Variants in LTBP4 observed in about 807,000 individuals in gnomAD.
LTBP4 encodes latent-transforming growth factor beta-binding protein 4.
In LTBP4, 93 loss-of-function variants were observed where a neutral mutation model predicts 180.2. The ratio of observed to expected loss-of-function variants is 0.52; its 90% CI spans 0.44 to 0.61. LTBP4 has a LOEUF of 0.61. LTBP4 is among the 20% of genes least tolerant of loss of function. LTBP4 has a pLI of 0.00. For synonymous variants in LTBP4, 947 were observed against 934.5 expected, an observed-to-expected ratio of 1.01 and a Z score of -0.24; for missense variants, 2,116 against 2,256.5, an observed-to-expected ratio of 0.94 and a Z score of 1.26.
chr19:40,615,028 G>A (rs2081537123), intron 19 of LTBP4, among the ~76,000 whole-genome samples: 1 of 151,960 alleles, frequency 6.6e-6, no homozygotes, highest in African/African-American at 2.4e-5. Context: ...CGAACACTTA[G>A]GCCCTCCCTT....
In LTBP4 at chr19:40,613,909, C is replaced by T. The variant is rs758202540; in HGVS notation, c.2558-7C>T. 2.5e-6 allele frequency: 4 copies of T among 1,613,570 alleles called. No individual in the cohort carries two copies. Among genetic ancestry groups the T allele is most frequent in the South Asian group, 1.1e-5 (1 of 91,070 alleles). ...TGGGCCGGGCCTTCGGACGCCCTGT[C>T]CCGCAGACGTTGACGAGTGCAGCGA... On this transcript the variant is annotated splice_region_variant and splice_polypyrimidine_tract_variant and intron_variant, in intron 17 of 29. Transcript: ENST00000396819. This position sits in a 1 kb window ranked among gnomAD's most constrained non-coding sequence, Gnocchi z 5.0.
At chr19:40,599,421 C>A (rs779787629), upstream of LTBP4, 10 of 1,613,544 alleles carry the variant, frequency 6.2e-6, no homozygotes, top group Non-Finnish European at 8.5e-6. Context: ...GTCTCCGAAG[C>A]CTTCTGCAGG....
intron 22 of LTBP4, among the ~76,000 whole-genome samples, chr19:40,620,184 AAG>A (rs3865449): frequency 0.065 from 9,837 of 152,102 alleles, 481 homozygotes; most frequent in Middle Eastern, 0.14. Context: ...TTATCACAGT[AAG>A]AGAGCACTGC....
At chr19:40,594,265 G>A (rs2081380060) in intron 1 of LTBP4, among the ~76,000 whole-genome samples, 1 of 151,648 alleles carries the variant, frequency 6.6e-6, no homozygotes, top group Non-Finnish European at 1.5e-5. Flanking sequence ...ATGGGGGGAG[G>A]GGTGGAAGAT....
Position 40,611,539 on chromosome 19 carries a change from T to C in LTBP4, c.2053+145T>C, listed in dbSNP as rs1184260830. 5 of 1,255,908 alleles carry C rather than the reference T, an allele frequency of 4.0e-6. No homozygotes were observed. Among genetic ancestry groups the C allele is most frequent in the Non-Finnish European group, 5.4e-6 (5 of 925,230 alleles). The allele number at this position is 1,255,908 out of a possible 1,614,324, so 77.8% of individuals were successfully genotyped here. On this transcript the variant is annotated intron_variant, in intron 13 of 29. Coordinates refer to ENST00000396819, the MANE Select transcript of LTBP4 (RefSeq NM_001042545.2). This position sits in a 1 kb window ranked among gnomAD's most constrained non-coding sequence, Gnocchi z 4.4. ...ATGGGGACCTCACTCCAGAGTCTTC[T>C]CTCCTTTCAACAAAATAAGGCAGTC...
In LTBP4 at chr19:40,610,514, C is replaced by T; in HGVS notation, c.1685-18C>T. 1 of 1,584,972 alleles carries T rather than the reference C, an allele frequency of 6.3e-7. No homozygotes were observed. The highest frequency in any genetic ancestry group is 8.5e-7 in the Non-Finnish European group (1 of 1,169,836). On this transcript the variant is annotated intron_variant, in intron 11 of 29. Transcript: ENST00000396819. The stretch of plus-strand genomic sequence containing the variant: ...GGGCTGTCTGCCCCAGTCCCAGCCG[C>T]CTGGTCTGTGCCTACAGATGTGGAC...
chr19:40,620,246 A>ATT (rs1000017606), intron 22 of LTBP4, among the ~76,000 whole-genome samples: 1 of 109,972 alleles, frequency 9.1e-6, no homozygotes, highest in Non-Finnish European at 1.8e-5. Context: ...TTTTTTTTAA[A>ATT]TGTTTTTTTT....
chr19:40,610,789 C>T (rs774515515), intron 12 of LTBP4, 132 bp downstream of exon 12: 3 of 1,342,660 alleles, frequency 2.2e-6, no homozygotes, highest in Non-Finnish European at 3.0e-6. Context: ...CTCGAGCAGA[C>T]GTGTGGCCTG....
intron 14 of LTBP4, 36 bp from the exon 15 acceptor site, chr19:40,612,037 C>G: frequency 1.9e-6 from 3 of 1,612,112 alleles, no homozygotes; most frequent in Non-Finnish European, 2.5e-6. Context: ...GGAGTTGGAC[C>G]ACTTCTTCAA....
At position 40,609,592 on chromosome 19, in the gene LTBP4, C is replaced by G. The variant is rs542531521; in HGVS notation, c.1489C>G (p.Arg497Gly). The G allele has an allele frequency of 3.1e-6, 5 of 1,613,530 alleles. No individual in the cohort carries two copies. Among genetic ancestry groups the G allele is most frequent in the Non-Finnish European group, 4.2e-6 (5 of 1,179,866 alleles). The change falls in exon 10 of 30, where the codon CGG becomes GGG. Residue 497 changes from arginine (R) to glycine (G), a missense_variant. Transcript: ENST00000396819. The surrounding 1 kb of genome is among the most constrained non-coding windows in gnomAD (Gnocchi z 4.9). Reference protein sequence around the residue: ...QVCGPGRCISRPSGYTCACDS... With the variant: ...QVCGPGRCISGPSGYTCACDS... ...CTGCGGCCCAGGACGCTGCATTTCC[C>G]GGCCCAGCGGCTACACCTGCGCTTG...
chr19:40,618,130 C>T (rs926254823), intron 21 of LTBP4, among the ~76,000 whole-genome samples: 3 of 151,332 alleles, frequency 2.0e-5, no homozygotes, highest in Non-Finnish European at 4.4e-5. Flanking sequence ...GTTGTTTGAT[C>T]ATAGCTTACT....
chr19:40,625,819 G>T lies in LTBP4; in HGVS notation c.3833-38G>T, dbSNP rs368393495. 196 of 1,498,312 alleles carry T rather than the reference G, an allele frequency of 1.3e-4. No homozygotes were observed. The African/African-American group carries it at 2.5e-3, about 19-fold the overall frequency. The allele number at this position is 1,498,312 out of a possible 1,614,324, so 92.8% of individuals were successfully genotyped here. ...GTCCAGCCCCTGGGAGGACCTGAGT[G>T]CCAGGCCCACTCTGACACATGCTGT... is the stretch of plus-strand genomic sequence containing the variant. On this transcript the variant is annotated intron_variant, in intron 26 of 29. Coordinates refer to ENST00000396819, the MANE Select transcript of LTBP4 (RefSeq NM_001042545.2).
rs773452069 is a variant in LTBP4, at chr19:40,627,113, A to G, written c.4124A>G (p.Tyr1375Cys). ...GGCCTCCCATATGGGCCTGAGTTGT[A>G]CCCACCACCTGCGCTACCCTACGAC... is the stretch of plus-strand genomic sequence containing the variant. ...YQGLPYGPEL[Y>C]PPPALPYDPY... The change falls in exon 28 of 30, where the codon TAC (tyrosine) becomes TGC (cysteine). Residue 1375 changes from tyrosine to cysteine, a missense_variant. Physicochemically the swap from Tyr to Cys is radical, Grantham distance 194 (BLOSUM62 -2). Transcript: ENST00000396819. 8 of 1,613,634 alleles carry G rather than the reference A, an allele frequency of 5.0e-6. No individual in the cohort carries two copies. The highest frequency in any genetic ancestry group is 1.7e-5 in the Admixed American group (1 of 59,970).
chr19:40,612,048 G>C (rs2081511125), intron 14 of LTBP4, 25 bp from the exon 15 acceptor site: 1 of 1,612,190 alleles, frequency 6.2e-7, no homozygotes, highest in Admixed American at 1.7e-5. Context: ...ACTTCTTCAA[G>C]GCCACCCTCT....
intron 18 of LTBP4, 72 bp from the exon 19 acceptor site, chr19:40,614,243 C>T (rs2081530633): frequency 6.4e-7 from 1 of 1,554,500 alleles, no homozygotes; most frequent in Non-Finnish European, 8.7e-7. Context: ...TTCTGACTCT[C>T]CTCTCCCCTC....
intron 29 of LTBP4, among the ~76,000 whole-genome samples, chr19:40,628,314 G>A (rs1344316650): frequency 6.6e-6 from 1 of 152,196 alleles, no homozygotes; most frequent in East Asian, 1.9e-4. Context: ...GCCGAGGCGG[G>A]CGGATCATTA....
Position 40,617,230 on chromosome 19 carries a change from G to C in LTBP4, c.3070+5G>C. The C allele has an allele frequency of 1.2e-6, 2 of 1,611,458 alleles. No individual in the cohort carries two copies. The highest frequency in any genetic ancestry group is 1.7e-6 in the Non-Finnish European group (2 of 1,178,094). ...GGGATGGGCGTCACTGCGTGGGTAC[G>C]GGACTTCAGGAGGTGGATGGGACCA... is the stretch of plus-strand genomic sequence containing the variant. On this transcript the variant is annotated splice_donor_5th_base_variant and intron_variant, in intron 21 of 29. Transcript: ENST00000396819.
intron 28 of LTBP4, 142 bp from the exon 29 acceptor site, chr19:40,627,563 G>C: frequency 2.3e-6 from 3 of 1,279,022 alleles, no homozygotes; most frequent in Non-Finnish European, 3.2e-6. Context: ...TAAGCTTACT[G>C]GCCCCGCAGC....
rs35809725 is a variant in LTBP4 at position 40,627,287 on chromosome 19, A to G, written c.4298A>G (p.Tyr1433Cys). 6 of 1,520,828 alleles carry G rather than the reference A, an allele frequency of 3.9e-6. No homozygotes were observed. Among genetic ancestry groups the G allele is most frequent in the African/African-American group, 1.4e-5 (1 of 73,132 alleles). The allele number at this position is 1,520,828 out of a possible 1,614,324, so 94.2% of individuals were successfully genotyped here. A position where few individuals can be genotyped will look rare whatever the true frequency, so the allele number is the denominator to read the frequency against. The change falls in exon 28 of 30, where the codon TAT becomes TGT. Residue 1433 changes from tyrosine to cysteine, a missense_variant. Transcript: ENST00000396819. ...APPGPGTRWPYRSRDTRRSFP... is the reference protein window; with the variant it reads ...APPGPGTRWPCRSRDTRRSFP... ...CCTGGCCCGGGCACCCGCTGGCCCT[A>G]TCGGTCCCGGGACACCCGCCGCTCC...
Sources: allele counts gnomAD v4.1 joint callset (sites outside exome capture counted in the v4.1 genomes callset), GRCh38; gene constraint gnomAD v4.1.1; non-coding constraint Gnocchi (gnomAD v3.1); transcripts MANE v1.5; gene names NCBI Gene and HGNC (gene_info 2026-07-23, HGNC 2026-07-21).